Variants in CACNB3 observed in about 807,000 individuals in gnomAD.
CACNB3 encodes calcium voltage-gated channel auxiliary subunit beta 3, also known as voltage-dependent L-type calcium channel subunit beta-3.
In CACNB3, 36 loss-of-function variants were observed where a neutral mutation model predicts 63.7. The observed-to-expected ratio is 0.57, with a 90% CI of 0.43 to 0.75. The LOEUF (loss-of-function observed/expected upper bound fraction) is 0.75. Among genes scored for constraint, CACNB3 ranks in the 30% least tolerant of loss-of-function variants. The pLI, the probability that CACNB3 is intolerant of heterozygous loss-of-function variation, is 0.00. For missense variants in CACNB3, 493 were observed against 648.6 expected (o/e 0.76, Z 2.61); for synonymous variants, 241 against 250.6 (o/e 0.96, Z 0.36).
At position 48,818,747 on chromosome 12, in the gene CACNB3, T is replaced by C. The variant is rs1310708847; in HGVS notation, c.-183T>C. 7.6e-7 allele frequency: 1 copy of C among 1,323,394 alleles called. No homozygotes were observed. The highest frequency in any genetic ancestry group is 1.6e-5 in the African/African-American group (1 of 63,708). The allele number at this position is 1,323,394 out of a possible 1,614,324, so 82.0% of individuals were successfully genotyped here. A position where few individuals can be genotyped will look rare whatever the true frequency, so the allele number is the denominator to read the frequency against. On this transcript the variant is annotated 5_prime_UTR_variant, in exon 1 of 13. Transcript: ENST00000301050. This position sits in a 1 kb window ranked among gnomAD's most constrained non-coding sequence, Gnocchi z 4.3. Reference sequence around the variant, plus strand: ...GGGGGTGGGGTGGGGGGAGCGGTGATCTGAGCTCCGAGCAGCTGGTCTTCG... The same window carrying C: ...GGGGGTGGGGTGGGGGGAGCGGTGACCTGAGCTCCGAGCAGCTGGTCTTCG...
rs890873864 is a variant in CACNB3 at position 48,827,938 on chromosome 12, G to A, written c.*39G>A. On this transcript the variant is annotated 3_prime_UTR_variant, in exon 13 of 13. Transcript: ENST00000301050. ...CCCTACCCTGGCAGGCACAGGCGCA[G>A]CTGGCTGGGGGGCCCACTCCAGGCA... The A allele has an allele frequency of 2.6e-6, 4 of 1,563,132 alleles. No homozygotes were observed. The African/African-American group carries it at 4.1e-5, about 16-fold the overall frequency.
Position 48,828,562 on chromosome 12 carries a change from A to G in CACNB3, c.*663A>G, listed in dbSNP as rs1002490617. ...CCTCACCCTGCCAGGAAGCTTCTTA[A>G]CATGTGACAGGACCAGGGACCAGGA... is the stretch of plus-strand genomic sequence containing the variant. On this transcript the variant is annotated 3_prime_UTR_variant, in exon 13 of 13. Transcript: ENST00000301050. The G allele has an allele frequency of 9.7e-6, 4 of 413,228 alleles. No individual in the cohort carries two copies. The highest frequency in any genetic ancestry group is 8.2e-5 in the African/African-American group (4 of 48,868). 25.6% of individuals were successfully genotyped at this position (413,228 alleles called of 1,614,324 possible).
At chr12:48,824,048 G>T (rs1400694043) in intron 3 of CACNB3, 12 of 664,650 alleles carry the variant, frequency 1.8e-5, no homozygotes, top group Non-Finnish European at 3.0e-5. Context: ...TGCCTCCGAG[G>T]TCCCCTGTGA....
Position 48,828,836 on chromosome 12 carries a change from TC to T in CACNB3, c.*941del, listed in dbSNP as rs1938292378. The T allele has an allele frequency of 2.2e-6, 1 of 450,204 alleles. No individual in the cohort carries two copies. The highest frequency in any genetic ancestry group is 2.0e-5 in the African/African-American group (1 of 49,778). The allele number at this position is 450,204 out of a possible 1,614,324, so 27.9% of individuals were successfully genotyped here. A position where few individuals can be genotyped will look rare whatever the true frequency, so the allele number is the denominator to read the frequency against. On this transcript the variant is annotated 3_prime_UTR_variant, in exon 13 of 13. Transcript: ENST00000301050. ...AGAGACAGGGCACAGAGGACCTGTC[TC>T]CCCGGCTACTCTTGCCTTATGGCTC...
At chr12:48,819,888 A>G (rs1335503456) in intron 1 of CACNB3, 4 of 322,752 alleles carry the variant, frequency 1.2e-5, no homozygotes, top group Non-Finnish European at 2.5e-5. Flanking sequence ...ATGGGGCAAG[A>G]ATGCGGAGCA....
rs1938062513 is a variant in CACNB3, at chr12:48,825,177, C to T, written c.507C>T (p.Pro169=). Residue 169 remains proline (P), a synonymous_variant, in exon 7 of 13, where the codon CCC becomes CCT. Transcript: ENST00000301050. This position sits in a 1 kb window ranked among gnomAD's most constrained non-coding sequence, Gnocchi z 4.5. ...CCATTCTGCAGGCGGAACATGTTCC[C>T]CCATATGACGTGGTGCCCTCCATGC... ...KQKQKQAEHV[P]PYDVVPSMRP... is the part of the protein sequence containing the mutation. The T allele has an allele frequency of 6.2e-7, 1 of 1,613,780 alleles. No individual in the cohort carries two copies. Among genetic ancestry groups the T allele is most frequent in the Admixed American group, 1.7e-5 (1 of 59,986 alleles).
Position 48,825,202 on chromosome 12 carries a change from C to A in CACNB3, c.532C>A (p.Arg178=), listed in dbSNP as rs775655875. ...VPPYDVVPSM[R]PVVLVGPSLK... ...CCCATATGACGTGGTGCCCTCCATG[C>A]GGCCTGTGGTGCTGGTGGGACCCTC... The change falls in exon 7 of 13, where the codon CGG becomes AGG. Residue 178 remains arginine, a synonymous_variant. Coordinates refer to ENST00000301050, the MANE Select transcript of CACNB3 (RefSeq NM_000725.4). This position sits in a 1 kb window ranked among gnomAD's most constrained non-coding sequence, Gnocchi z 4.5. 8.7e-6 allele frequency: 14 copies of A among 1,613,970 alleles called. No individual in the cohort carries two copies. Among genetic ancestry groups the A allele is most frequent in the Admixed American group, 6.7e-5 (4 of 59,994 alleles).
upstream of CACNB3, among the ~76,000 whole-genome samples, chr12:48,816,334 A>C (rs1942287556): frequency 1.3e-5 from 2 of 152,178 alleles, no homozygotes; most frequent in Non-Finnish European, 2.9e-5. Flanking sequence ...TGCCAGTCTA[A>C]CAACTCTCTC....
At position 48,826,230 on chromosome 12, in the gene CACNB3, C is replaced by A; in HGVS notation, c.743-137C>A. 1 of 811,216 alleles carries A rather than the reference C, an allele frequency of 1.2e-6. No homozygotes were observed. The highest frequency in any genetic ancestry group is 2.0e-6 in the Non-Finnish European group (1 of 507,226). The allele number at this position is 811,216 out of a possible 1,614,324, so 50.3% of individuals were successfully genotyped here. On this transcript the variant is annotated intron_variant, in intron 9 of 12. Coordinates refer to ENST00000301050, the MANE Select transcript of CACNB3 (RefSeq NM_000725.4). The surrounding 1 kb of genome is among the most constrained non-coding windows in gnomAD (Gnocchi z 4.8). ...ACACCCCTCCTCCTCAATTCCCATT[C>A]CTCTGCCTGTCCAGGCTTCGATGAA...
intron 4 of CACNB3, 139 bp from the exon 5 acceptor site, chr12:48,824,528 AAC>A (rs1242060500): frequency 1.5e-5 from 16 of 1,046,070 alleles, no homozygotes; most frequent in African/African-American, 3.2e-5. Flanking sequence ...CAAATCTACA[AAC>A]ACACACACAT....
Position 48,825,295 on chromosome 12 carries a change from G to A in CACNB3, c.573+52G>A, listed in dbSNP as rs375592592. 5 of 1,590,876 alleles carry A rather than the reference G, an allele frequency of 3.1e-6. No individual in the cohort carries two copies. The South Asian group carries it at 4.4e-5, about 14-fold the overall frequency. ...AGTCACCTCTACCAAGCCTGCCACA[G>A]GAAGTCCCTAGGGAAAGTGGAAGGG... On this transcript the variant is annotated intron_variant, in intron 7 of 12. Transcript: ENST00000301050. This position sits in a 1 kb window ranked among gnomAD's most constrained non-coding sequence, Gnocchi z 4.5.
chr12:48,819,361 C>T (rs1290906649), intron 1 of CACNB3, among the ~76,000 whole-genome samples: 2 of 152,168 alleles, frequency 1.3e-5, no homozygotes, highest in African/African-American at 4.8e-5. Flanking sequence ...AGGAGAGCCG[C>T]CGAGGTGGTT....
At chr12:48,818,400 C>T (rs901461325), upstream of CACNB3, 101 of 967,708 alleles carry the variant, frequency 1.0e-4, no homozygotes, top group Non-Finnish European at 1.2e-4. This position sits in a 1 kb window ranked among gnomAD's most constrained non-coding sequence, Gnocchi z 4.3. Context: ...TGTTTCCCGG[C>T]GGAGTAGTTC....
rs201204779 is a variant in CACNB3, at chr12:48,823,369, G to A, written c.71G>A (p.Arg24His). 464 of 1,614,100 alleles carry A rather than the reference G, an allele frequency of 2.9e-4. 1 individual carries two copies. Among genetic ancestry groups the A allele is most frequent in the Admixed American group, 8.5e-4 (51 of 60,002 alleles). Residue 24 changes from arginine (R) to histidine (H), a missense_variant, in exon 2 of 13, where the codon CGC becomes CAC. Physicochemically the swap from Arg to His is conservative, Grantham distance 29. Transcript: ENST00000301050. This position sits in a 1 kb window ranked among gnomAD's most constrained non-coding sequence, Gnocchi z 4.2. ...GGTTCAGCCGACTCCTACACCAGCC[G>A]CCCATCTCTGGACTCAGACGTCTCC... Reference protein sequence around the residue: ...EAGSADSYTSRPSLDSDVSLE... With the variant: ...EAGSADSYTSHPSLDSDVSLE...
chr12:48,814,575 G>T (rs1280585292), upstream of CACNB3: 5 of 1,506,292 alleles, frequency 3.3e-6, no homozygotes, highest in Non-Finnish European at 4.4e-6. The surrounding 1 kb of genome is among the most constrained non-coding windows in gnomAD (Gnocchi z 6.9). Context: ...CTAGGGTCCC[G>T]GAAGGGCGCG....
Position 48,826,344 on chromosome 12 carries a change from A to AC in CACNB3, c.743-22dup, listed in dbSNP as rs1459450517. 3 of 1,613,242 alleles carry AC rather than the reference A, an allele frequency of 1.9e-6. No homozygotes were observed. The African/African-American group carries it at 4.0e-5, about 22-fold the overall frequency. Reference sequence around the variant, plus strand: ...GCAGTGGGCAGAGCTCCTGGTGAGCACTGCTGCTGCCTCCCTCCATAGCGG... The same window carrying AC: ...GCAGTGGGCAGAGCTCCTGGTGAGCACCTGCTGCTGCCTCCCTCCATAGCGG... On this transcript the variant is annotated intron_variant, in intron 9 of 12. Coordinates refer to ENST00000301050, the MANE Select transcript of CACNB3 (RefSeq NM_000725.4). This position sits in a 1 kb window ranked among gnomAD's most constrained non-coding sequence, Gnocchi z 4.8.
Position 48,826,839 on chromosome 12 carries a change from G to T in CACNB3, c.975G>T (p.Leu325=). 6.2e-7 allele frequency: 1 copy of T among 1,614,048 alleles called. No individual in the cohort carries two copies. The highest frequency in any genetic ancestry group is 1.1e-5 in the South Asian group (1 of 91,072). The change falls in exon 11 of 13, where the codon CTG becomes CTT. Residue 325 remains leucine, a synonymous_variant. Coordinates refer to ENST00000301050, the MANE Select transcript of CACNB3 (RefSeq NM_000725.4). This position sits in a 1 kb window ranked among gnomAD's most constrained non-coding sequence, Gnocchi z 4.8. ...TACAGATGATGGCATATGATAAGCT[G>T]GTTCAGTGCCCACCGGTGAGTGCCT... ...LTVQMMAYDK[L]VQCPPESFDV... is the part of the protein sequence containing the mutation.
intron 5 of CACNB3, 43 bp from the exon 6 acceptor site, chr12:48,824,905 TC>T: frequency 6.2e-7 from 1 of 1,611,810 alleles, no homozygotes; most frequent in Non-Finnish European, 8.5e-7. Context: ...CAGGGACCTT[TC>T]CCCCTTCACC....
chr12:48,825,910 C>T lies in CACNB3; in HGVS notation c.742+141C>T. 2 of 617,008 alleles carry T rather than the reference C, an allele frequency of 3.2e-6. No individual in the cohort carries two copies. The highest frequency in any genetic ancestry group is 5.8e-6 in the Non-Finnish European group (2 of 347,224). The allele number at this position is 617,008 out of a possible 1,614,324, so 38.2% of individuals were successfully genotyped here. A position where few individuals can be genotyped will look rare whatever the true frequency, so the allele number is the denominator to read the frequency against. On this transcript the variant is annotated intron_variant, in intron 9 of 12. Transcript: ENST00000301050. The surrounding 1 kb of genome is among the most constrained non-coding windows in gnomAD (Gnocchi z 4.5). ...GTGGTGAGATCTCGGCTCACTGCAA[C>T]CTCCACCTCCTGGGTTCAAGCGATC...
Sources: gnomAD v4.1 joint callset for allele counts (sites outside exome capture counted in the v4.1 genomes callset) on GRCh38, gnomAD v4.1.1 for gene constraint, Gnocchi (gnomAD v3.1) non-coding constraint, MANE v1.5 for transcripts, NCBI Gene and HGNC (gene_info 2026-07-23, HGNC 2026-07-21) for gene names.